The following TRERF1 variants were observed in gnomAD, a reference collection of about 807,000 sequenced individuals.
TRERF1 encodes the protein transcriptional regulating factor 1.
Under a neutral mutation model 122.9 loss-of-function variants are expected in TRERF1, and 27 were observed. The observed-to-expected ratio is 0.22, with a 90% CI of 0.16 to 0.30. TRERF1 has a LOEUF of 0.30. Among genes scored for constraint, TRERF1 ranks in the 10% least tolerant of loss-of-function variants. TRERF1 has a pLI of 1.00. For synonymous variants in TRERF1, 636 were observed against 641.7 expected (o/e 0.99, Z 0.13); for missense variants, 1,248 against 1,560.3 (o/e 0.80, Z 3.37).
chr6:42,354,088 G>A (rs1335130147), intron 3 of TRERF1, among the ~76,000 whole-genome samples: 1 of 152,182 alleles, frequency 6.6e-6, no homozygotes, highest in Non-Finnish European at 1.5e-5. Flanking sequence ...CTGGAATGTG[G>A]CCAGAGGCCC....
At chr6:42,233,037 C>T in intron 16 of TRERF1, 109 bp from the exon 17 acceptor site, 1 of 1,213,098 alleles carries the variant, frequency 8.2e-7, no homozygotes, top group Non-Finnish European at 1.1e-6. Flanking sequence ...TGGGCATATG[C>T]TACAAAAGGT....
At chr6:42,285,355 T>C (rs1433442289) in intron 4 of TRERF1, among the ~76,000 whole-genome samples, 2 of 152,212 alleles carry the variant, frequency 1.3e-5, no homozygotes, top group Non-Finnish European at 2.9e-5. Flanking sequence ...TTTGCTGAAG[T>C]TGCTTATCAG....
intron 13 of TRERF1, among the ~76,000 whole-genome samples, chr6:42,250,170 C>T (rs1183491918): frequency 2.0e-5 from 3 of 152,158 alleles, no homozygotes; most frequent in Non-Finnish European, 4.4e-5. Context: ...CTGTGACTGA[C>T]AGGTTTGGTC....
chr6:42,350,703 C>T (rs527631726), intron 3 of TRERF1, among the ~76,000 whole-genome samples: 13 of 152,210 alleles, frequency 8.5e-5, no homozygotes, highest in South Asian at 8.3e-4. Context: ...GTCTGGTTTG[C>T]GTTTTAAAAT....
chr6:42,266,990 CA>C (rs1779317164), intron 5 of TRERF1, among the ~76,000 whole-genome samples: 1 of 152,148 alleles, frequency 6.6e-6, no homozygotes, highest in South Asian at 2.1e-4. Flanking sequence ...TTTTCATCTC[CA>C]CAATCACACA....
intron 2 of TRERF1, among the ~76,000 whole-genome samples, chr6:42,371,150 AC>A (rs1205535953): frequency 6.6e-6 from 1 of 152,142 alleles, no homozygotes; most frequent in Non-Finnish European, 1.5e-5. Context: ...CAAGAACAGA[AC>A]TGAGAGTTCA....
chr6:42,364,406 C>T (rs1581801980), intron 2 of TRERF1, among the ~76,000 whole-genome samples: 2 of 152,206 alleles, frequency 1.3e-5, no homozygotes, highest in South Asian at 4.1e-4. Flanking sequence ...TTTTTCATCC[C>T]CCTTTCCCCA....
chr6:42,451,608 C>T (rs556045913), intron 1 of TRERF1, among the ~76,000 whole-genome samples, 66 bp downstream of exon 1: 98 of 151,384 alleles, frequency 6.5e-4, no homozygotes, highest in Non-Finnish European at 1.1e-3. Context: ...CCCCCCTCCC[C>T]CCTTCTATAT....
In TRERF1 at chr6:42,375,439, C is replaced by A. The variant is rs189562290; in HGVS notation, c.-453-12360G>T. On this transcript the variant is annotated intron_variant, in intron 2 of 17. Coordinates refer to ENST00000372922, the Ensembl canonical transcript of TRERF1. ...GTTCCTCCTCTCTTAGCAAGAAATG[C>A]CTGAGGCTGACAGCTGTCTCGTCAC... is the stretch of plus-strand genomic sequence containing the variant. 2.4e-3 allele frequency among the ~76,000 whole-genome samples: 364 copies of A among 152,334 alleles called. 1 individual carries two copies. The highest frequency in any genetic ancestry group is 4.4e-3 in the Non-Finnish European group (296 of 68,028).
At chr6:42,436,222 A>G (rs1006941754) in intron 2 of TRERF1, among the ~76,000 whole-genome samples, 1 of 151,540 alleles carries the variant, frequency 6.6e-6, no homozygotes, top group African/African-American at 2.4e-5. Context: ...CAAAAAAATT[A>G]GCTGGGCGTG....
intron 15 of TRERF1, among the ~76,000 whole-genome samples, chr6:42,240,774 A>T (rs1349833098): frequency 6.6e-6 from 1 of 152,136 alleles, no homozygotes; most frequent in Non-Finnish European, 1.5e-5. Flanking sequence ...GGGGGAGAGG[A>T]GGGAAGGGCC....
At chr6:42,336,934 C>T (rs552457007) in intron 3 of TRERF1, among the ~76,000 whole-genome samples, 42 of 152,274 alleles carry the variant, frequency 2.8e-4, no homozygotes, top group African/African-American at 9.6e-4. Flanking sequence ...ATCGTGGCTC[C>T]GGCTCTATGG....
intron 2 of TRERF1, among the ~76,000 whole-genome samples, chr6:42,364,812 A>G (rs760994343): frequency 6.6e-6 from 1 of 152,170 alleles, no homozygotes; most frequent in South Asian, 2.1e-4. Context: ...ATCCATCTGT[A>G]AGGGGAGGAG....
intron 3 of TRERF1, among the ~76,000 whole-genome samples, chr6:42,360,165 G>A (rs1000700009): frequency 1.3e-5 from 2 of 152,178 alleles, no homozygotes; most frequent in Non-Finnish European, 2.9e-5. Flanking sequence ...CTATCCACTG[G>A]GCTAAGCGCT....
At chr6:42,270,687 C>T (rs914677731) in intron 4 of TRERF1, among the ~76,000 whole-genome samples, 21 of 151,864 alleles carry the variant, frequency 1.4e-4, no homozygotes, top group African/African-American at 5.1e-4. Flanking sequence ...CCTGTACCCC[C>T]ACCTATCAGG....
In TRERF1 at chr6:42,269,381, G is replaced by A. The variant is rs775970826; in HGVS notation, c.210C>T (p.Gly70=). The A allele has an allele frequency of 6.2e-7, 1 of 1,614,200 alleles. No individual in the cohort carries two copies. The highest frequency in any genetic ancestry group is 8.5e-7 in the Non-Finnish European group (1 of 1,180,026). The change falls in exon 5 of 18, where the codon GGC becomes GGT. Residue 70 remains glycine (G), a synonymous_variant. Coordinates refer to ENST00000372922, the Ensembl canonical transcript of TRERF1. This position sits in a 1 kb window ranked among gnomAD's most constrained non-coding sequence, Gnocchi z 4.9. ...TATCCATTTGGCCAAGGTTTTTGGA[G>A]CCAACAGGCAAGCCCAGACCATCCC...
At chr6:42,425,508 A>G (rs2151604523) in intron 2 of TRERF1, among the ~76,000 whole-genome samples, 1 of 142,648 alleles carries the variant, frequency 7.0e-6, no homozygotes, top group East Asian at 2.1e-4. Context: ...CACATACCTA[A>G]ACCGACACGG....
intron 2 of TRERF1, among the ~76,000 whole-genome samples, chr6:42,415,297 T>G (rs1180105986): frequency 6.6e-6 from 1 of 152,218 alleles, no homozygotes; most frequent in African/African-American, 2.4e-5. Flanking sequence ...TAACTCCTTT[T>G]ATCATATTTT....
intron 3 of TRERF1, among the ~76,000 whole-genome samples, chr6:42,326,379 T>C (rs959726329): frequency 1.3e-5 from 2 of 152,150 alleles, no homozygotes; most frequent in African/African-American, 4.8e-5. Flanking sequence ...AAGTGGGAGA[T>C]TATAACACAA....
Sources: gnomAD v4.1 joint callset for allele counts (sites outside exome capture counted in the v4.1 genomes callset) on GRCh38, gnomAD v4.1.1 for gene constraint, Gnocchi (gnomAD v3.1) non-coding constraint, MANE v1.5 for transcripts, NCBI Gene and HGNC (gene_info 2026-07-23, HGNC 2026-07-21) for gene names.